The following UNC13C variants were observed in gnomAD, a reference collection of about 807,000 sequenced individuals.
UNC13C encodes unc-13 homolog C.
Under a neutral mutation model 245.4 loss-of-function variants are expected in UNC13C, and 174 were observed. The ratio of observed to expected loss-of-function variants is 0.71; its 90% confidence interval spans 0.63 to 0.80. The LOEUF (loss-of-function observed/expected upper bound fraction) is 0.80. Among genes scored for constraint, UNC13C ranks in the 30% least tolerant of loss-of-function variants. UNC13C has a pLI of 0.00. For missense variants in UNC13C, 2,829 were observed against 2,602.9 expected (o/e 1.09, Z -1.89); for synonymous variants, 992 against 895.1 (o/e 1.11, Z -1.93).
At chr15:54,445,162 T>G (rs1487747679) in intron 19 of UNC13C, among the ~76,000 whole-genome samples, 1 of 152,158 alleles carries the variant, frequency 6.6e-6, no homozygotes, top group African/African-American at 2.4e-5. Context: ...TTTTTATGGC[T>G]GCATAGTATT....
chr15:54,273,155 C>T (rs1006342910), intron 10 of UNC13C, among the ~76,000 whole-genome samples: 1 of 152,140 alleles, frequency 6.6e-6, no homozygotes, highest in Non-Finnish European at 1.5e-5. Context: ...ACATGGAAAA[C>T]GGATTAGGTG....
intron 22 of UNC13C, 56 bp from the exon 23 acceptor site, chr15:54,507,061 C>A: frequency 1.7e-6 from 2 of 1,156,412 alleles, no homozygotes; most frequent in Non-Finnish European, 2.5e-6. Flanking sequence ...AACTTTATAG[C>A]ATATTTGTAA....
At chr15:54,543,018 TG>T (rs1294155766) in intron 26 of UNC13C, among the ~76,000 whole-genome samples, 7 of 152,176 alleles carry the variant, frequency 4.6e-5, no homozygotes, top group Non-Finnish European at 1.0e-4. Context: ...AATATTGTTA[TG>T]TGTGAATTTG....
At chr15:54,587,943 T>A (rs1006345909) in intron 30 of UNC13C, among the ~76,000 whole-genome samples, 1 of 152,246 alleles carries the variant, frequency 6.6e-6, no homozygotes, top group African/African-American at 2.4e-5. Context: ...GCATTTGTTA[T>A]GCCAAGTTTC....
intron 4 of UNC13C, among the ~76,000 whole-genome samples, chr15:54,234,696 T>C (rs1247663599): frequency 6.6e-6 from 1 of 152,218 alleles, no homozygotes; most frequent in Non-Finnish European, 1.5e-5. Flanking sequence ...GGTTTGCTTC[T>C]GTTTCCTCCT....
At chr15:54,369,136 T>C (rs1056263607) in intron 17 of UNC13C, among the ~76,000 whole-genome samples, 4 of 152,096 alleles carry the variant, frequency 2.6e-5, no homozygotes, top group Admixed American at 2.6e-4. Context: ...ATCCCTGTAT[T>C]TTGATAGCTA....
At chr15:54,365,166 G>A (rs78443182) in intron 17 of UNC13C, among the ~76,000 whole-genome samples, 9 of 151,726 alleles carry the variant, frequency 5.9e-5, no homozygotes, top group African/African-American at 1.7e-4. Context: ...ATTTTCCTGC[G>A]TCCTTTCTGT....
chr15:54,096,810 A>G (rs1413654915), intron 2 of UNC13C, among the ~76,000 whole-genome samples: 1 of 152,192 alleles, frequency 6.6e-6, no homozygotes, highest in Non-Finnish European at 1.5e-5. Context: ...AAAAATAAAA[A>G]GAAAAATTTG....
chr15:54,400,086 A>G (rs940846238), intron 18 of UNC13C, among the ~76,000 whole-genome samples: 11 of 151,848 alleles, frequency 7.2e-5, no homozygotes, highest in African/African-American at 2.7e-4. Flanking sequence ...CTTTTGGCTG[A>G]GTTATCTTAA....
intron 2 of UNC13C, among the ~76,000 whole-genome samples, chr15:54,081,663 C>G (rs1433736731): frequency 1.3e-5 from 2 of 151,394 alleles, no homozygotes; most frequent in Non-Finnish European, 2.9e-5. Flanking sequence ...CATCTCTTTA[C>G]TTTGAGTCTG....
chr15:53,870,013 G>C, the UNC13C span, among the ~76,000 whole-genome samples: 41,257 of 152,008 alleles, frequency 0.27, 6,818 homozygotes, highest in Non-Finnish European at 0.36. Flanking sequence ...CAAAATCTTC[G>C]AGCCTTCCAA....
At chr15:54,191,848 C>G (rs2034194985) in intron 4 of UNC13C, among the ~76,000 whole-genome samples, 3 of 152,008 alleles carry the variant, frequency 2.0e-5, no homozygotes, top group Admixed American at 2.0e-4. Context: ...GCATAAATGT[C>G]TTCTTTTGAG....
intron 29 of UNC13C, among the ~76,000 whole-genome samples, chr15:54,556,454 T>G (rs1397924200): frequency 2.6e-5 from 4 of 152,140 alleles, no homozygotes; most frequent in African/African-American, 7.2e-5. Flanking sequence ...TGAGGCAGTC[T>G]TTTGCTGCTG....
At chr15:54,342,285 AT>A (rs1377546805) in intron 17 of UNC13C, among the ~76,000 whole-genome samples, 3 of 152,128 alleles carry the variant, frequency 2.0e-5, no homozygotes, top group Admixed American at 6.5e-5. Flanking sequence ...TTTTTGTTAT[AT>A]TGAAGTTTTC....
chr15:54,131,025 G>A (rs768030403), intron 2 of UNC13C, among the ~76,000 whole-genome samples: 8 of 152,190 alleles, frequency 5.3e-5, no homozygotes, highest in Non-Finnish European at 8.8e-5. Flanking sequence ...ATCAATGAAT[G>A]AAATGTTTCA....
intron 12 of UNC13C, among the ~76,000 whole-genome samples, chr15:54,298,699 T>C (rs1415416318): frequency 6.6e-6 from 1 of 152,154 alleles, no homozygotes; most frequent in Non-Finnish European, 1.5e-5. Context: ...CTTGGGAGTC[T>C]ATCAAATGTT....
downstream of UNC13C, chr15:54,629,948 CTG>C (rs1404263259): frequency 6.6e-6 from 1 of 151,036 alleles, no homozygotes; most frequent in East Asian, 1.9e-4. Context: ...TCTGTAGACT[CTG>C]TTTTCCTCTC....
chr15:54,407,066 A>G (rs1373868001), intron 18 of UNC13C, among the ~76,000 whole-genome samples: 1 of 152,208 alleles, frequency 6.6e-6, no homozygotes, highest in East Asian at 1.9e-4. Context: ...CAGGATAGTC[A>G]TATTAATGAA....
the UNC13C span, among the ~76,000 whole-genome samples, chr15:53,918,841 AAT>A: frequency 6.6e-6 from 1 of 152,172 alleles, no homozygotes; most frequent in African/African-American, 2.4e-5. Context: ...TGGGCTTGTG[AAT>A]ATGTTTGGGC....
Sources: allele counts gnomAD v4.1 joint callset (sites outside exome capture counted in the v4.1 genomes callset), GRCh38; gene constraint gnomAD v4.1.1; transcripts MANE v1.5; gene names NCBI Gene and HGNC (gene_info 2026-07-23, HGNC 2026-07-21).